Variants in ACO1 observed in about 807,000 individuals in gnomAD.
ACO1 encodes cytoplasmic aconitate hydratase.
Under a neutral mutation model 105.1 loss-of-function variants are expected in ACO1, and 78 were observed. The observed-to-expected ratio is 0.74, with a 90% confidence interval of 0.62 to 0.90. The LOEUF (loss-of-function observed/expected upper bound fraction) is 0.90, where lower values mean the gene tolerates loss of function less well. ACO1 is among the 40% of genes least tolerant of loss of function. The probability of loss-of-function intolerance (pLI) is 0.00; values close to 1 mark genes in which losing one functional copy is unlikely to be tolerated. For synonymous variants in ACO1, 364 were observed against 397.4 expected (o/e 0.92, Z 1.00); for missense variants, 965 against 1,111.1 (o/e 0.87, Z 1.87).
rs1822083991 is a variant in ACO1, at chr9:32,425,947, C to T, written c.1298C>T (p.Ala433Val). ...GCTCATGGTTCTGTGGTCATTGCTG[C>T]CATTACTAGCTGCACAAACACCAGT... is the stretch of plus-strand genomic sequence containing the variant. The part of the protein sequence containing the change: ...TLAHGSVVIA[A>V]ITSCTNTSNP... The change falls in exon 11 of 21, where the codon GCC becomes GTC. Residue 433 changes from alanine (A) to valine (V), a missense_variant. By Grantham distance (64) the Ala-to-Val change is moderately conservative. Coordinates refer to ENST00000309951, the MANE Select transcript of ACO1 (RefSeq NM_002197.3). 6.2e-7 allele frequency: 1 copy of T among 1,613,964 alleles called. No homozygotes were observed.
At chr9:32,417,985 T>G in intron 4 of ACO1, 143 bp from the exon 5 acceptor site, 1 of 707,724 alleles carries the variant, frequency 1.4e-6, no homozygotes, top group Non-Finnish European at 2.4e-6. Context: ...CTATTCTGCA[T>G]TGTAAATAGT....
Position 32,433,839 on chromosome 9 carries a change from CTT to C in ACO1, c.1956+11_1956+12del. The C allele has an allele frequency of 1.9e-6, 3 of 1,571,774 alleles. No individual in the cohort carries two copies. The highest frequency in any genetic ancestry group is 2.6e-6 in the Non-Finnish European group (3 of 1,157,730). On this transcript the variant is annotated splice_region_variant and intron_variant, in intron 16 of 20. Transcript: ENST00000309951. ...ACCATTCTTTGAAAACCTGGTATGG[CTT>C]TTTATTTTTTAACAAAATGAATTCT...
chr9:32,450,151 A>G lies in ACO1; in HGVS notation c.*40A>G. The G allele has an allele frequency of 1.3e-6, 2 of 1,536,764 alleles. No individual in the cohort carries two copies. The highest frequency in any genetic ancestry group is 1.1e-5 in the South Asian group (1 of 89,414). The stretch of plus-strand genomic sequence containing the variant: ...GTGCTGCGCCCAGGGAGGAAGCCGC[A>G]CCACCAGCCAGCGCAGGCCCTGGTG... On this transcript the variant is annotated 3_prime_UTR_variant, in exon 21 of 21. Coordinates refer to ENST00000309951, the MANE Select transcript of ACO1 (RefSeq NM_002197.3).
intron 1 of ACO1, among the ~76,000 whole-genome samples, chr9:32,396,999 A>G (rs1237939518): frequency 4.6e-5 from 7 of 152,014 alleles, no homozygotes; most frequent in East Asian, 1.9e-4. Context: ...AAATCTTGAC[A>G]TATATATAGC....
intron 8 of ACO1, among the ~76,000 whole-genome samples, chr9:32,421,869 A>C (rs192775487): frequency 2.8e-4 from 42 of 152,360 alleles, no homozygotes; most frequent in African/African-American, 1.0e-3. Context: ...AGGGACAGCC[A>C]TGGGAAGGGT....
chr9:32,406,724 C>A (rs1821618853), intron 2 of ACO1, among the ~76,000 whole-genome samples: 2 of 152,344 alleles, frequency 1.3e-5, no homozygotes, highest in Admixed American at 1.3e-4. Context: ...ACAAGACAAC[C>A]ATTTAATACC....
At chr9:32,414,745 G>A (rs1238597359) in intron 4 of ACO1, among the ~76,000 whole-genome samples, 1 of 152,206 alleles carries the variant, frequency 6.6e-6, no homozygotes, top group East Asian at 1.9e-4. Context: ...ATGGGGAGGA[G>A]AGGCAGGGGC....
rs1821899575 is a variant in ACO1 at position 32,418,450 on chromosome 9, C to T, written c.597C>T (p.Asp199=). Reference sequence around the variant, plus strand: ...ATCAGGATGGATATTATTACCCAGACAGCCTCGTGGGCACAGACTCGCACA... The same window carrying T: ...ATCAGGATGGATATTATTACCCAGATAGCCTCGTGGGCACAGACTCGCACA... ...VFDQDGYYYP[D]SLVGTDSHTT... Residue 199 remains aspartate (D), a synonymous_variant, in exon 6 of 21, where the codon GAC becomes GAT. Transcript: ENST00000309951. The T allele has an allele frequency of 1.2e-6, 2 of 1,614,078 alleles. No homozygotes were observed. Among genetic ancestry groups the T allele is most frequent in the African/African-American group, 2.7e-5 (2 of 74,930 alleles).
At chr9:32,415,674 G>A (rs764149854) in intron 4 of ACO1, among the ~76,000 whole-genome samples, 53 of 152,156 alleles carry the variant, frequency 3.5e-4, no homozygotes, top group African/African-American at 1.1e-3. Context: ...TGCTGATGCC[G>A]GTGTCGGTGC....
chr9:32,410,284 C>T (rs1045908379), intron 4 of ACO1, among the ~76,000 whole-genome samples: 1 of 151,982 alleles, frequency 6.6e-6, no homozygotes, highest in African/African-American at 2.4e-5. Flanking sequence ...GATGGCCGGG[C>T]GTGGTGGCTC....
At chr9:32,427,877 CAT>C (rs900320057) in intron 12 of ACO1, among the ~76,000 whole-genome samples, 2 of 152,160 alleles carry the variant, frequency 1.3e-5, no homozygotes, top group Non-Finnish European at 2.9e-5. Context: ...TTAAAACAAA[CAT>C]ATTGTATAGC....
intron 1 of ACO1, among the ~76,000 whole-genome samples, chr9:32,388,237 T>C (rs1821194273): frequency 6.6e-6 from 1 of 152,082 alleles, no homozygotes; most frequent in Non-Finnish European, 1.5e-5. Flanking sequence ...ACAAAGGAAA[T>C]GTTAAAAAGG....
At chr9:32,434,439 C>G in intron 16 of ACO1, 120 bp from the exon 17 acceptor site, 1 of 1,138,226 alleles carries the variant, frequency 8.8e-7, no homozygotes, top group Non-Finnish European at 1.2e-6. Flanking sequence ...CTAGAATTTT[C>G]TGTGCATTGG....
rs1403957190 is a variant in ACO1 at position 32,450,165 on chromosome 9, C to T, written c.*54C>T. The stretch of plus-strand genomic sequence containing the variant: ...GAGGAAGCCGCACCACCAGCCAGCG[C>T]AGGCCCTGGTGGAGAGGCCTCCCTG... On this transcript the variant is annotated 3_prime_UTR_variant, in exon 21 of 21. Coordinates refer to ENST00000309951, the MANE Select transcript of ACO1 (RefSeq NM_002197.3). 4 of 1,469,312 alleles carry T rather than the reference C, an allele frequency of 2.7e-6. No homozygotes were observed. Among genetic ancestry groups the T allele is most frequent in the Non-Finnish European group, 2.9e-6 (3 of 1,050,000 alleles). 91.0% of individuals were successfully genotyped at this position (1,469,312 alleles called of 1,614,324 possible).
chr9:32,400,299 A>T (rs971154964), intron 1 of ACO1, among the ~76,000 whole-genome samples: 2 of 152,082 alleles, frequency 1.3e-5, no homozygotes, highest in Admixed American at 1.3e-4. Context: ...AATATTTTTT[A>T]AAGTTACCAC....
In ACO1 at chr9:32,439,826, TGA is replaced by T. The variant is rs1822439419; in HGVS notation, c.2248-637_2248-636del. ...AATGTTTAGGTCACATTCTGTTTTT[TGA>T]GTTTTAAAATAATTTAGTCAATGGA... On this transcript the variant is annotated intron_variant, in intron 18 of 20. Coordinates refer to ENST00000309951, the MANE Select transcript of ACO1 (RefSeq NM_002197.3). The surrounding 1 kb of genome is among the most constrained non-coding windows in gnomAD (Gnocchi z 4.0). 1.3e-5 allele frequency among the ~76,000 whole-genome samples: 2 copies of T among 152,238 alleles called. No homozygotes were observed. The highest frequency in any genetic ancestry group is 4.8e-5 in the African/African-American group (2 of 41,472).
At chr9:32,409,394 G>A (rs900679550) in intron 4 of ACO1, among the ~76,000 whole-genome samples, 1 of 152,028 alleles carries the variant, frequency 6.6e-6, no homozygotes. Flanking sequence ...ATTATTCTTC[G>A]ATTAAGTGAG....
At position 32,405,618 on chromosome 9, in the gene ACO1, G is replaced by A. The variant is rs370326617; in HGVS notation, c.97+15G>A. 17 of 1,547,828 alleles carry A rather than the reference G, an allele frequency of 1.1e-5. No individual in the cohort carries two copies. The East Asian group carries it at 2.0e-4, about 18-fold the overall frequency. Reference sequence around the variant, plus strand: ...TTCAAGATATGGTAGGTACATGGCTGTGATAGCAATTGGAATCTCATTTGC... The same window carrying A: ...TTCAAGATATGGTAGGTACATGGCTATGATAGCAATTGGAATCTCATTTGC... On this transcript the variant is annotated intron_variant, in intron 2 of 20. Transcript: ENST00000309951.
chr9:32,431,918 C>T (rs1822248195), intron 15 of ACO1, 75 bp downstream of exon 15: 1 of 1,545,988 alleles, frequency 6.5e-7, no homozygotes, highest in Non-Finnish European at 8.8e-7. Flanking sequence ...TGTCTGCAGA[C>T]CTCAAGGCTA....
Sources: gnomAD v4.1 joint callset for allele counts (sites outside exome capture counted in the v4.1 genomes callset) on GRCh38, gnomAD v4.1.1 for gene constraint, Gnocchi (gnomAD v3.1) non-coding constraint, MANE v1.5 for transcripts, NCBI Gene and HGNC (gene_info 2026-07-23, HGNC 2026-07-21) for gene names.